LMTK3: variants seen among roughly 807,000 people sequenced by gnomAD.
LMTK3 encodes the protein serine/threonine-protein kinase LMTK3.
In LMTK3, 27 loss-of-function variants were observed where a neutral mutation model predicts 116.7. That is an observed-to-expected ratio of 0.23 (90% CI 0.17 to 0.32). The LOEUF is 0.32. LMTK3 is among the 10% of genes least tolerant of loss of function. LMTK3 has a pLI of 1.00. For synonymous variants in LMTK3, 965 were observed against 971.0 expected (o/e 0.99, Z 0.11); for missense variants, 1,764 against 2,068.5 (o/e 0.85, Z 2.86).
rs1378371081 is a variant in LMTK3, at chr19:48,498,789, A to G, written c.2280T>C (p.Pro760=). The change falls in exon 11 of 15, where the codon CCT becomes CCC. Residue 760 remains proline, a synonymous_variant. Transcript: ENST00000600059. Reference sequence around the variant, plus strand: ...ACGCGGCCGGGTCCGCGGGGGCCCGAGGAGGTGGCGGCGGGGGGGGGGGAG... The same window carrying G: ...ACGCGGCCGGGTCCGCGGGGGCCCGGGGAGGTGGCGGCGGGGGGGGGGGAG... ...PPAPPPPPPP[P]RAPADPAASP... 1 of 185,610 alleles carries G rather than the reference A, an allele frequency of 5.4e-6. No individual in the cohort carries two copies. The highest frequency in any genetic ancestry group is 1.2e-4 in the South Asian group (1 of 8,148). The allele number at this position is 185,610 out of a possible 1,614,324, so 11.5% of individuals were successfully genotyped here. A position where few individuals can be genotyped will look rare whatever the true frequency, so the allele number is the denominator to read the frequency against.
chr19:48,492,760 C>G (rs1308012446), intron 12 of LMTK3, among the ~76,000 whole-genome samples: 1 of 152,120 alleles, frequency 6.6e-6, no homozygotes, highest in Non-Finnish European at 1.5e-5. Flanking sequence ...CCTCCCTAGC[C>G]TCTCCAGGAT....
At chr19:48,507,031 G>C (rs1332634896) in intron 5 of LMTK3, among the ~76,000 whole-genome samples, 1 of 152,204 alleles carries the variant, frequency 6.6e-6, no homozygotes. Context: ...AGCTCAGGCA[G>C]TCTGCCCGCC....
intron 7 of LMTK3, 75 bp downstream of exon 7, chr19:48,502,358 A>T: frequency 1.4e-6 from 2 of 1,421,622 alleles, no homozygotes; most frequent in South Asian, 1.3e-5. Flanking sequence ...CCCCCCCTCT[A>T]GCCCCTCCCC....
At position 48,485,501 on chromosome 19, in the gene LMTK3, A is replaced by C; in HGVS notation, c.*272T>G. ...CAAAAGAGTTCAGTTCAGTTCCGAG[A>C]AAGGCGGCTCTCTATGGAGGGGCGG... On this transcript the variant is annotated 3_prime_UTR_variant, in exon 15 of 15. Transcript: ENST00000600059. 1 of 463,778 alleles carries C rather than the reference A, an allele frequency of 2.2e-6. No individual in the cohort carries two copies. Among genetic ancestry groups the C allele is most frequent in the Non-Finnish European group, 3.9e-6 (1 of 255,320 alleles). 28.7% of individuals were successfully genotyped at this position (463,778 alleles called of 1,614,324 possible).
In LMTK3 at chr19:48,502,495, C is replaced by T. The variant is rs565716861; in HGVS notation, c.732G>A (p.Gln244=). The T allele has an allele frequency of 1.9e-5, 31 of 1,610,702 alleles. No individual in the cohort carries two copies. The highest frequency in any genetic ancestry group is 2.5e-5 in the Non-Finnish European group (30 of 1,178,876). ...ELPPRDLRTL[Q]RMGLEIARGL... Reference sequence around the variant, plus strand: ...CGCGGGCGATCTCCAGGCCCATCCTCTGCAGCGTCCGCAGGTCTCGAGGGG... The same window carrying T: ...CGCGGGCGATCTCCAGGCCCATCCTTTGCAGCGTCCGCAGGTCTCGAGGGG... The change falls in exon 7 of 15, where the codon CAG becomes CAA. Residue 244 remains glutamine (Q), a synonymous_variant. Transcript: ENST00000600059.
chr19:48,491,384 C>T lies in LMTK3; in HGVS notation c.4228+20G>A, dbSNP rs898564282. ...CCCCATGGCTCCCGCCCCCTCCCGC[C>T]CCATAGGGCCCGTCCTCACCAAAGC... On this transcript the variant is annotated intron_variant, in intron 13 of 14. Coordinates refer to ENST00000600059, the MANE Select transcript of LMTK3 (RefSeq NM_001388485.1). This position sits in a 1 kb window ranked among gnomAD's most constrained non-coding sequence, Gnocchi z 5.1. The T allele has an allele frequency of 2.9e-6, 4 of 1,369,404 alleles. No homozygotes were observed. In the Admixed American group the frequency reaches 1.1e-4, roughly 38 times the overall value. 84.8% of individuals were successfully genotyped at this position (1,369,404 alleles called of 1,614,324 possible).
rs550390285 is a variant in LMTK3, at chr19:48,507,092, A to G, written c.557+1759T>C. ...CAGGCAGGAGCCCGACAAAGTGTTC[A>G]TGAAGCTCCTGCCATGTGTGGGGCT... On this transcript the variant is annotated intron_variant, in intron 5 of 14. Coordinates refer to ENST00000600059, the MANE Select transcript of LMTK3 (RefSeq NM_001388485.1). Among the ~76,000 whole-genome samples the G allele has an allele frequency of 5.9e-5, 9 of 152,296 alleles. No homozygotes were observed. In the South Asian group the frequency reaches 1.7e-3, roughly 28 times the overall value.
At chr19:48,492,477 C>T (rs955940719) in intron 12 of LMTK3, among the ~76,000 whole-genome samples, 2 of 152,106 alleles carry the variant, frequency 1.3e-5, no homozygotes, top group South Asian at 2.1e-4. Flanking sequence ...GTGAGCCACC[C>T]GGGACAGGCC....
At chr19:48,507,375 C>T (rs1467486513) in intron 5 of LMTK3, among the ~76,000 whole-genome samples, 2 of 152,138 alleles carry the variant, frequency 1.3e-5, no homozygotes, top group East Asian at 1.9e-4. Context: ...GCCCAGCAAA[C>T]GTCTACTGAG....
At chr19:48,490,122 A>G (rs763580831) in intron 14 of LMTK3, among the ~76,000 whole-genome samples, 5 of 152,170 alleles carry the variant, frequency 3.3e-5, no homozygotes, top group Admixed American at 6.5e-5. Context: ...AAGAAACCTG[A>G]CCAATGTTCA....
In LMTK3 at chr19:48,498,085, G is replaced by A. The variant is rs1164212223; in HGVS notation, c.2984C>T (p.Thr995Ile). 3.1e-6 allele frequency: 5 copies of A among 1,612,840 alleles called. No individual in the cohort carries two copies. In the African/African-American group the frequency reaches 5.3e-5, roughly 17 times the overall value. ...GEKVLVNGGL[T>I]PPKSEDKVSE... ...CACCTTGTCCTCGCTCTTTGGGGGT[G>A]TCAGGCCCCCATTCACCAGCACCTT... Residue 995 changes from threonine (T) to isoleucine (I), a missense_variant, in exon 11 of 15, where the codon ACA becomes ATA. Thr to Ile is a moderately conservative substitution (Grantham distance 89, BLOSUM62 -1). This residue lies in a region of LMTK3 where 1,028 missense variants were observed against 1,050.6 expected (regional missense o/e 0.98). Coordinates refer to ENST00000600059, the MANE Select transcript of LMTK3 (RefSeq NM_001388485.1).
chr19:48,497,379 C>A lies in LMTK3; in HGVS notation c.3676+14G>T, dbSNP rs779282201. On this transcript the variant is annotated intron_variant, in intron 11 of 14. Transcript: ENST00000600059. This position sits in a 1 kb window ranked among gnomAD's most constrained non-coding sequence, Gnocchi z 5.7. Reference sequence around the variant, plus strand: ...CCGGACCTCAGCCCTGACTGTGCCCCGCAGCCTCCTCACCTTTGATCTGCT... The same window carrying A: ...CCGGACCTCAGCCCTGACTGTGCCCAGCAGCCTCCTCACCTTTGATCTGCT... 2 of 1,467,450 alleles carry A rather than the reference C, an allele frequency of 1.4e-6. No individual in the cohort carries two copies. Among genetic ancestry groups the A allele is most frequent in the Non-Finnish European group, 1.8e-6 (2 of 1,109,380 alleles). 90.9% of individuals were successfully genotyped at this position (1,467,450 alleles called of 1,614,324 possible).
chr19:48,488,843 G>A (rs1000848757), intron 14 of LMTK3, among the ~76,000 whole-genome samples: 3 of 150,886 alleles, frequency 2.0e-5, no homozygotes, highest in East Asian at 2.0e-4. Flanking sequence ...AGGTTTAAGC[G>A]ATTCTCCTGC....
At chr19:48,493,565 A>T in intron 12 of LMTK3, 129 bp downstream of exon 12, 1 of 577,136 alleles carries the variant, frequency 1.7e-6, no homozygotes, top group Non-Finnish European at 2.0e-6. Flanking sequence ...GCCCCGCCCC[A>T]CTCCAGCTCC....
At position 48,500,919 on chromosome 19, in the gene LMTK3, G is replaced by T; in HGVS notation, c.1151+77C>A. The T allele has an allele frequency of 7.2e-7, 1 of 1,385,064 alleles. No individual in the cohort carries two copies. The highest frequency in any genetic ancestry group is 9.6e-7 in the Non-Finnish European group (1 of 1,044,168). The allele number at this position is 1,385,064 out of a possible 1,614,324, so 85.8% of individuals were successfully genotyped here. A position where few individuals can be genotyped will look rare whatever the true frequency, so the allele number is the denominator to read the frequency against. On this transcript the variant is annotated intron_variant, in intron 10 of 14. Transcript: ENST00000600059. This position sits in a 1 kb window ranked among gnomAD's most constrained non-coding sequence, Gnocchi z 4.0. ...AGGGCAAACGGGATGTGGGTGATGT[G>T]GGAAACGAGGGGGGATGCTGGGACC...
At chr19:48,490,380 G>A (rs181433600) in intron 14 of LMTK3, among the ~76,000 whole-genome samples, 62 of 152,180 alleles carry the variant, frequency 4.1e-4, no homozygotes, top group South Asian at 2.1e-3. Flanking sequence ...AAAAAAAGTA[G>A]CTGGGCGTGG....
chr19:48,486,816 C>T (rs185521917), intron 14 of LMTK3, among the ~76,000 whole-genome samples: 23 of 151,832 alleles, frequency 1.5e-4, no homozygotes, highest in Admixed American at 5.3e-4. Context: ...GGATTACAGG[C>T]GTGAGCCACT....
chr19:48,486,677 A>T (rs1972129948), intron 14 of LMTK3, among the ~76,000 whole-genome samples: 1 of 150,602 alleles, frequency 6.6e-6, no homozygotes, highest in Non-Finnish European at 1.5e-5. Flanking sequence ...AGCTGGGACT[A>T]CAGGTGCCCA....
chr19:48,511,718 G>A lies in LMTK3; in HGVS notation c.-142C>T, dbSNP rs1347933567. 1 of 443,348 alleles carries A rather than the reference G, an allele frequency of 2.3e-6. No individual in the cohort carries two copies. The highest frequency in any genetic ancestry group is 4.1e-5 in the Admixed American group (1 of 24,282). The allele number at this position is 443,348 out of a possible 1,614,324, so 27.5% of individuals were successfully genotyped here. A position where few individuals can be genotyped will look rare whatever the true frequency, so the allele number is the denominator to read the frequency against. Reference sequence around the variant, plus strand: ...AGGGGCAGGAGACGCAGGACAGGGGGAGGGAGGGGCTGCTTGCTGGCTCAG... The same window carrying A: ...AGGGGCAGGAGACGCAGGACAGGGGAAGGGAGGGGCTGCTTGCTGGCTCAG... On this transcript the variant is annotated 5_prime_UTR_variant, in exon 1 of 15. Coordinates refer to ENST00000600059, the MANE Select transcript of LMTK3 (RefSeq NM_001388485.1).
Sources: gnomAD v4.1 joint callset for allele counts (sites outside exome capture counted in the v4.1 genomes callset) on GRCh38, gnomAD v4.1.1 for gene constraint, gnomAD v4.1.1 regional missense constraint, Gnocchi (gnomAD v3.1) non-coding constraint, MANE v1.5 for transcripts, NCBI Gene and HGNC (gene_info 2026-07-23, HGNC 2026-07-21) for gene names.